The following CCDC121 variants were observed in gnomAD, a reference collection of about 807,000 sequenced individuals.
CCDC121 encodes coiled-coil domain containing 121.
For synonymous variants in CCDC121, 108 were observed against 120.0 expected (o/e 0.90, Z 0.65); for missense variants, 238 against 304.1 (o/e 0.78, Z 1.62).
Position 27,627,238 on chromosome 2 carries a change from T to C in CCDC121, c.562A>G (p.Ile188Val). 1 of 1,614,018 alleles carries C rather than the reference T, an allele frequency of 6.2e-7. No homozygotes were observed. The stretch of plus-strand genomic sequence containing the variant: ...TTGATGCCACAGGAGTATTCAAAAA[T>C]AAACCGCTTTGCTGCCAACTTCAAG... ...QALKLAAKRF[I>V]FEYSCGINRE... Residue 188 changes from isoleucine to valine, a missense_variant, in exon 2 of 2, where the codon ATT (isoleucine) becomes GTT (valine). Physicochemically the swap from Ile to Val is conservative, Grantham distance 29. Coordinates refer to ENST00000324364, the MANE Select transcript of CCDC121 (RefSeq NM_024584.5).
At position 27,626,223 on chromosome 2, in the gene CCDC121, T is replaced by A. The variant is rs1284403015; in HGVS notation, c.*740A>T. On this transcript the variant is annotated 3_prime_UTR_variant, in exon 2 of 2. Transcript: ENST00000324364. ...AAAAAAGTTGTCCAAATATTTCAAC[T>A]TTTTTTGGATACGTTTTCCTGAAAT... 6.6e-6 allele frequency: 1 copy of A among 152,354 alleles called. No homozygotes were observed. The highest frequency in any genetic ancestry group is 2.4e-5 in the African/African-American group (1 of 41,456). 9.4% of individuals were successfully genotyped at this position (152,354 alleles called of 1,614,324 possible).
intron 1 of CCDC121, chr2:27,628,547 G>A: frequency 1.9e-6 from 3 of 1,551,460 alleles, no homozygotes; most frequent in Non-Finnish European, 2.6e-6. Context: ...TTATTCGTTC[G>A]GTGCTCAAAG....
At chr2:27,628,015 A>G (rs1324627601) in intron 1 of CCDC121, 98 bp from the exon 2 acceptor site, 9 of 849,014 alleles carry the variant, frequency 1.1e-5, no homozygotes, top group South Asian at 1.0e-4. Flanking sequence ...ATTTCTGAGC[A>G]CCAGAATGTT....
intron 1 of CCDC121, chr2:27,628,353 G>C: frequency 6.6e-7 from 1 of 1,506,992 alleles, no homozygotes; most frequent in Non-Finnish European, 8.9e-7. Context: ...GGGACCTTCA[G>C]TGACTGGAGG....
Position 27,627,100 on chromosome 2 carries a change from G to C in CCDC121, c.700C>G (p.Gln234Glu). 6.2e-7 allele frequency: 1 copy of C among 1,614,144 alleles called. No individual in the cohort carries two copies. The highest frequency in any genetic ancestry group is 1.1e-5 in the South Asian group (1 of 91,078). ...ENRKQQLQQE[Q>E]WYLESLIQAR... ...TGGATTAAGGACTCCAGATACCACT[G>C]TTCCTGCTGCAGCTGCTGCTTCCTG... The change falls in exon 2 of 2, where the codon CAG (glutamine) becomes GAG (glutamate). Residue 234 changes from glutamine to glutamate, a missense_variant. Physicochemically the swap from Gln to Glu is conservative, Grantham distance 29 (BLOSUM62 2). Coordinates refer to ENST00000324364, the MANE Select transcript of CCDC121 (RefSeq NM_024584.5).
At position 27,625,963 on chromosome 2, in the gene CCDC121, G is replaced by T. The variant is rs1434234737; in HGVS notation, c.*1000C>A. 1.3e-5 allele frequency: 2 copies of T among 151,236 alleles called. No individual in the cohort carries two copies. The highest frequency in any genetic ancestry group is 2.9e-5 in the Non-Finnish European group (2 of 67,820). The allele number at this position is 151,236 out of a possible 1,614,324, so 9.4% of individuals were successfully genotyped here. On this transcript the variant is annotated 3_prime_UTR_variant, in exon 2 of 2. Transcript: ENST00000324364. ...TCACTAGTCCAACTTCAATGTCGTA[G>T]AACCCAAAAAAAATATAACTATCCT...
chr2:27,628,551 C>T (rs1229536930), intron 1 of CCDC121: 2 of 1,551,406 alleles, frequency 1.3e-6, no homozygotes, highest in African/African-American at 1.4e-5. Context: ...TCGTTCGGTG[C>T]TCAAAGGGTC....
rs780278060 is a variant in CCDC121 at position 27,627,281 on chromosome 2, A to G, written c.519T>C (p.Leu173=). 2 of 1,613,850 alleles carry G rather than the reference A, an allele frequency of 1.2e-6. No individual in the cohort carries two copies. The highest frequency in any genetic ancestry group is 1.7e-6 in the Non-Finnish European group (2 of 1,179,846). ...ACTTCAAGGCCTGGGCCTTCATATT[A>G]AGCTCTCTTCTTTTTCTCTTTCCCA... ...RLLGKRKRRE[L]NMKAQALKLA... is the part of the protein sequence containing the mutation. Residue 173 remains leucine (L), a synonymous_variant, in exon 2 of 2, where the codon CTT becomes CTC. Transcript: ENST00000324364.
rs1244217390 is a variant in CCDC121 at position 27,627,662 on chromosome 2, T to A, written c.138A>T (p.Lys46Asn). ...NRFFLEYLTNKTEEYTEQPEK... is the reference protein window; with the variant it reads ...NRFFLEYLTNNTEEYTEQPEK... Reference sequence around the variant, plus strand: ...CAGGTTGCTCTGTGTACTCTTCAGTTTTGTTAGTCAGGTATTCCAGAAAGA... The same window carrying A: ...CAGGTTGCTCTGTGTACTCTTCAGTATTGTTAGTCAGGTATTCCAGAAAGA... The change falls in exon 2 of 2, where the codon AAA (lysine) becomes AAT (asparagine). Residue 46 changes from lysine to asparagine, a missense_variant. Physicochemically the swap from Lys to Asn is moderately conservative, Grantham distance 94. Transcript: ENST00000324364. The A allele has an allele frequency of 6.2e-7, 1 of 1,613,908 alleles. No homozygotes were observed. The highest frequency in any genetic ancestry group is 2.2e-5 in the East Asian group (1 of 44,888).
chr2:27,626,596 C>A lies in CCDC121; in HGVS notation c.*367G>T, dbSNP rs1673284939. 5.9e-6 allele frequency: 1 copy of A among 169,346 alleles called. No homozygotes were observed. Among genetic ancestry groups the A allele is most frequent in the East Asian group, 1.6e-4 (1 of 6,164 alleles). 10.5% of individuals were successfully genotyped at this position (169,346 alleles called of 1,614,324 possible). A position where few individuals can be genotyped will look rare whatever the true frequency, so the allele number is the denominator to read the frequency against. ...ATTTGGAATGCTATCCTTAAAGGTA[C>A]TTTCTCTATAAAGAAATACAATTTA... On this transcript the variant is annotated 3_prime_UTR_variant, in exon 2 of 2. Coordinates refer to ENST00000324364, the MANE Select transcript of CCDC121 (RefSeq NM_024584.5).
At chr2:27,628,190 A>G in intron 1 of CCDC121, 1 of 636,772 alleles carries the variant, frequency 1.6e-6, no homozygotes, top group East Asian at 2.7e-5. Flanking sequence ...CATGACTCAC[A>G]CCACTAGCAA....
At position 27,627,200 on chromosome 2, in the gene CCDC121, C is replaced by T. The variant is rs370881854; in HGVS notation, c.600G>A (p.Gln200=). ...GCTGCAGTAATTCCTTCTTGAACTG[C>T]TGGTTCTCTCTGTTGATGCCACAGG... ...EYSCGINREN[Q]QFKKELLQLI... Residue 200 remains glutamine (Q), a synonymous_variant, in exon 2 of 2, where the codon CAG becomes CAA. Transcript: ENST00000324364. 103 of 1,613,894 alleles carry T rather than the reference C, an allele frequency of 6.4e-5. No homozygotes were observed. Among genetic ancestry groups the T allele is most frequent in the Admixed American group, 3.5e-4 (21 of 60,004 alleles).
In CCDC121 at chr2:27,628,988, C is replaced by T. The variant is rs1321152882; in HGVS notation, c.-157G>A. 1.7e-5 allele frequency: 27 copies of T among 1,605,010 alleles called. No individual in the cohort carries two copies. The highest frequency in any genetic ancestry group is 1.2e-4 in the South Asian group (11 of 89,898). The stretch of plus-strand genomic sequence containing the variant: ...ACGCTGTGGTGGTTTTCGTTCGCAG[C>T]CCAGAACATTGCGGAAGTTTCTCTA... On this transcript the variant is annotated 5_prime_UTR_variant, in exon 1 of 2. Coordinates refer to ENST00000324364, the MANE Select transcript of CCDC121 (RefSeq NM_024584.5).
chr2:27,628,057 CTAGTGG>C, intron 1 of CCDC121, 140 bp from the exon 2 acceptor site: 1 of 681,048 alleles, frequency 1.5e-6, no homozygotes, highest in African/African-American at 1.8e-5. Context: ...GGGAATCCAG[CTAGTGG>C]TAAAGGATGA....
rs1258252159 is a variant in CCDC121 at position 27,627,034 on chromosome 2, T to G, written c.766A>C (p.Asn256His). Residue 256 changes from asparagine (N) to histidine (H), a missense_variant, in exon 2 of 2, where the codon AAT becomes CAT. By Grantham distance (68) the Asn-to-His change is moderately conservative (BLOSUM62 1). Transcript: ENST00000324364. ...GTGGTCTTTGGAACATCCTGTCTAT[T>G]TAGGCACTGATTATGACTTCCTTGC... is the stretch of plus-strand genomic sequence containing the variant. ...RLQGSHNQCL[N>H]RQDVPKTTPS... 1 of 1,614,228 alleles carries G rather than the reference T, an allele frequency of 6.2e-7. No individual in the cohort carries two copies. Among genetic ancestry groups the G allele is most frequent in the Admixed American group, 1.7e-5 (1 of 60,016 alleles).
In CCDC121 at chr2:27,627,258, T is replaced by G; in HGVS notation, c.542A>C (p.Lys181Thr). The stretch of plus-strand genomic sequence containing the variant: ...AAAAATAAACCGCTTTGCTGCCAAC[T>G]TCAAGGCCTGGGCCTTCATATTAAG... ...RELNMKAQAL[K>T]LAAKRFIFEY... The change falls in exon 2 of 2, where the codon AAG becomes ACG. Residue 181 changes from lysine to threonine, a missense_variant. Coordinates refer to ENST00000324364, the MANE Select transcript of CCDC121 (RefSeq NM_024584.5). The G allele has an allele frequency of 6.2e-7, 1 of 1,613,994 alleles. No individual in the cohort carries two copies. Among genetic ancestry groups the G allele is most frequent in the East Asian group, 2.2e-5 (1 of 44,884 alleles).
In CCDC121 at chr2:27,628,330, C is replaced by T. The variant is rs765383339; in HGVS notation, c.-118-413G>A. ...TTTTCTAGGCTCTTTCATCATCTTT[C>T]CTGAGTTTCTGAGGGACCTTCAGTG... On this transcript the variant is annotated intron_variant, in intron 1 of 1. Transcript: ENST00000324364. 1.6e-5 allele frequency: 23 copies of T among 1,427,358 alleles called. No homozygotes were observed. In the Middle Eastern group the frequency reaches 1.1e-3, roughly 68 times the overall value. The allele number at this position is 1,427,358 out of a possible 1,614,324, so 88.4% of individuals were successfully genotyped here. A position where few individuals can be genotyped will look rare whatever the true frequency, so the allele number is the denominator to read the frequency against.
Position 27,628,179 on chromosome 2 carries a change from C to G in CCDC121, c.-118-262G>C, listed in dbSNP as rs1673360534. On this transcript the variant is annotated intron_variant, in intron 1 of 1. Coordinates refer to ENST00000324364, the MANE Select transcript of CCDC121 (RefSeq NM_024584.5). ...GGTTCAGAGAGTTTAAGTGACTTGCCCATGACTCACACCACTAGCAAGTGG... is the reference window on the plus strand; with the variant it reads ...GGTTCAGAGAGTTTAAGTGACTTGCGCATGACTCACACCACTAGCAAGTGG... 5 of 629,078 alleles carry G rather than the reference C, an allele frequency of 7.9e-6. No individual in the cohort carries two copies. The Admixed American group carries it at 1.2e-4, about 15-fold the overall frequency. The allele number at this position is 629,078 out of a possible 1,614,324, so 39.0% of individuals were successfully genotyped here. A position where few individuals can be genotyped will look rare whatever the true frequency, so the allele number is the denominator to read the frequency against.
Position 27,627,805 on chromosome 2 carries a change from C to A in CCDC121, c.-6G>T, listed in dbSNP as rs747799292. On this transcript the variant is annotated 5_prime_UTR_variant, in exon 2 of 2. Transcript: ENST00000324364. ...TGCTTGTTCAGATCCGTCATTTCCGCCACTATCTTTTCTTTAAGCCTTGTC... is the reference window on the plus strand; with the variant it reads ...TGCTTGTTCAGATCCGTCATTTCCGACACTATCTTTTCTTTAAGCCTTGTC... 6.2e-6 allele frequency: 10 copies of A among 1,613,868 alleles called. No individual in the cohort carries two copies. The highest frequency in any genetic ancestry group is 7.6e-6 in the Non-Finnish European group (9 of 1,179,986).
Sources: gnomAD v4.1 joint callset for allele counts on GRCh38, gnomAD v4.1.1 for gene constraint, MANE v1.5 for transcripts, NCBI Gene and HGNC (gene_info 2026-07-23, HGNC 2026-07-21) for gene names.